Variants in RABEPK observed in about 807,000 individuals in gnomAD.
The protein encoded by RABEPK is 40 kDa Rab9 effector protein.
RABEPK carries 27 observed loss-of-function variants against 34.1 expected under a neutral mutation model. The observed-to-expected ratio is 0.79, with a 90% CI of 0.58 to 1.09. The LOEUF (loss-of-function observed/expected upper bound fraction) is 1.09. Ranked by LOEUF, RABEPK falls within the 50% of genes least tolerant of loss-of-function variation. The pLI, the probability that RABEPK is intolerant of heterozygous loss-of-function variation, is 0.00. For synonymous variants in RABEPK, 172 were observed against 169.2 expected (o/e 1.02, Z -0.13); for missense variants, 449 against 462.6 (o/e 0.97, Z 0.27).
intron 4 of RABEPK, among the ~76,000 whole-genome samples, chr9:125,214,751 C>T (rs1588359992): frequency 6.7e-6 from 1 of 149,228 alleles, no homozygotes; most frequent in South Asian, 2.1e-4. Context: ...AAAAGTCATC[C>T]ACAATCCATT....
intron 3 of RABEPK, 149 bp from the exon 4 acceptor site, chr9:125,213,221 A>G (rs1264653975): frequency 2.5e-6 from 2 of 798,406 alleles, no homozygotes; most frequent in South Asian, 1.8e-5. Flanking sequence ...TCTATTATAG[A>G]ATTTTCTGGA....
chr9:125,219,390 T>G (rs1038449481), intron 4 of RABEPK, among the ~76,000 whole-genome samples: 4 of 150,922 alleles, frequency 2.7e-5, no homozygotes, highest in African/African-American at 9.7e-5. Flanking sequence ...TTAATTTATT[T>G]TATTTTATTA....
intron 4 of RABEPK, among the ~76,000 whole-genome samples, chr9:125,218,679 C>G (rs767440316): frequency 7.9e-5 from 12 of 152,120 alleles, no homozygotes; most frequent in Non-Finnish European, 1.8e-4. Flanking sequence ...AGTTTAAATT[C>G]CAACTCAGCC....
At chr9:125,220,224 A>G in intron 4 of RABEPK, 1 of 1,089,836 alleles carries the variant, frequency 9.2e-7, no homozygotes, top group Non-Finnish European at 1.2e-6. Context: ...CTGGTTTCGA[A>G]CTCCTGACCT....
chr9:125,230,682 T>C (rs1169399915), intron 6 of RABEPK, among the ~76,000 whole-genome samples: 2 of 151,690 alleles, frequency 1.3e-5, no homozygotes, highest in African/African-American at 4.8e-5. Context: ...ACTACAGGTG[T>C]CCACCACCAC....
chr9:125,213,445 G>A lies in RABEPK; in HGVS notation c.287G>A (p.Cys96Tyr), dbSNP rs774286907. 1 of 1,614,040 alleles carries A rather than the reference G, an allele frequency of 6.2e-7. No individual in the cohort carries two copies. Among genetic ancestry groups the A allele is most frequent in the Non-Finnish European group, 8.5e-7 (1 of 1,179,956 alleles). The part of the protein sequence containing the change: ...RYEHASFIPS[C>Y]TPDRIWVFGG... ...GAACATGCTAGCTTCATTCCCTCCT[G>A]CACACCTGACCGTATCTGGGTATTT... The change falls in exon 4 of 8, where the codon TGC becomes TAC. Residue 96 changes from cysteine to tyrosine, a missense_variant. Physicochemically the swap from Cys to Tyr is radical, Grantham distance 194 (BLOSUM62 -2). Coordinates refer to ENST00000373538, the MANE Select transcript of RABEPK (RefSeq NM_005833.4).
intron 3 of RABEPK, among the ~76,000 whole-genome samples, 172 bp from the exon 4 acceptor site, chr9:125,213,198 A>G (rs542053866): frequency 7.9e-5 from 12 of 152,324 alleles, no homozygotes; most frequent in South Asian, 2.1e-4. Context: ...CTAGGCAGAC[A>G]GCCCCCTAAG....
chr9:125,214,792 CTTT>C (rs34203731), intron 4 of RABEPK, among the ~76,000 whole-genome samples: 5 of 138,910 alleles, frequency 3.6e-5, no homozygotes, highest in East Asian at 2.1e-4. Context: ...AATTTTCTGT[CTTT>C]TTTTTTTTTT....
In RABEPK at chr9:125,200,782, C is replaced by T. The variant is rs771358398; in HGVS notation, c.-131C>T. On this transcript the variant is annotated 5_prime_UTR_variant, in exon 1 of 8. Coordinates refer to ENST00000373538, the MANE Select transcript of RABEPK (RefSeq NM_005833.4). The stretch of plus-strand genomic sequence containing the variant: ...CGACCCCGTCTCCTATCCCCTAGAA[C>T]TGCCACGTGGGGATGAGATTTGCTG... 4 of 471,132 alleles carry T rather than the reference C, an allele frequency of 8.5e-6. No individual in the cohort carries two copies. The highest frequency in any genetic ancestry group is 1.8e-5 in the Non-Finnish European group (4 of 227,086). The allele number at this position is 471,132 out of a possible 1,614,324, so 29.2% of individuals were successfully genotyped here.
intron 1 of RABEPK, among the ~76,000 whole-genome samples, chr9:125,201,676 C>G (rs1448882809): frequency 3.9e-5 from 6 of 151,910 alleles, no homozygotes; most frequent in African/African-American, 1.2e-4. Context: ...GCAAGTGGCG[C>G]AATTTCGGCT....
intron 4 of RABEPK, among the ~76,000 whole-genome samples, chr9:125,218,903 G>T (rs936262767): frequency 2.6e-5 from 4 of 151,622 alleles, no homozygotes; most frequent in African/African-American, 9.7e-5. Flanking sequence ...ATTTTTTTTT[G>T]TATTTTTTTG....
chr9:125,232,247 G>C (rs371721208), intron 6 of RABEPK, among the ~76,000 whole-genome samples: 30 of 98,986 alleles, frequency 3.0e-4, no homozygotes, highest in African/African-American at 7.9e-4. Context: ...CACACACACA[G>C]AGACAGAGAG....
At chr9:125,214,360 G>C (rs568210051) in intron 4 of RABEPK, among the ~76,000 whole-genome samples, 90 of 152,186 alleles carry the variant, frequency 5.9e-4, no homozygotes, top group South Asian at 1.7e-3. Flanking sequence ...ATATCCTGTC[G>C]TGCCTAAGAC....
chr9:125,213,261 G>T, intron 3 of RABEPK, 109 bp from the exon 4 acceptor site: 1 of 1,126,290 alleles, frequency 8.9e-7, no homozygotes, highest in Non-Finnish European at 1.3e-6. Context: ...AAGTGATTCA[G>T]TGGTTTTCAT....
chr9:125,209,908 CAT>C (rs948618301), intron 3 of RABEPK, among the ~76,000 whole-genome samples: 13 of 152,156 alleles, frequency 8.5e-5, no homozygotes, highest in African/African-American at 1.9e-4. Flanking sequence ...TCCGTAGTCT[CAT>C]GTGCTCTTCC....
intron 5 of RABEPK, among the ~76,000 whole-genome samples, chr9:125,224,402 A>C (rs563969515): frequency 2.8e-4 from 42 of 150,364 alleles, no homozygotes; most frequent in African/African-American, 1.0e-3. Context: ...TTCATGCTTT[A>C]TGTATATTAT....
At chr9:125,214,306 G>T (rs1422858778) in intron 4 of RABEPK, among the ~76,000 whole-genome samples, 2 of 152,062 alleles carry the variant, frequency 1.3e-5, no homozygotes, top group Non-Finnish European at 2.9e-5. Flanking sequence ...GGGGTAGCGT[G>T]GGCTACTGGC....
At chr9:125,214,144 A>G (rs562269341) in intron 4 of RABEPK, among the ~76,000 whole-genome samples, 6 of 152,200 alleles carry the variant, frequency 3.9e-5, no homozygotes, top group African/African-American at 1.4e-4. Context: ...AAAAGAAAAA[A>G]AAATTTTTTT....
intron 5 of RABEPK, among the ~76,000 whole-genome samples, chr9:125,225,717 T>C (rs1174009982): frequency 6.6e-6 from 1 of 151,880 alleles, no homozygotes; most frequent in African/African-American, 2.4e-5. Flanking sequence ...TCCCAGCACT[T>C]TGGGAGGCCG....
Sources: gnomAD v4.1 joint callset for allele counts (sites outside exome capture counted in the v4.1 genomes callset) on GRCh38, gnomAD v4.1.1 for gene constraint, MANE v1.5 for transcripts, NCBI Gene and HGNC (gene_info 2026-07-23, HGNC 2026-07-21) for gene names.